Variants in COL24A1 observed in about 807,000 individuals in gnomAD.
COL24A1 encodes the protein collagen alpha-1(XXIV) chain.
COL24A1 carries 224 observed loss-of-function variants against 253.9 expected under a neutral mutation model. The ratio of observed to expected loss-of-function variants is 0.88; its 90% confidence interval spans 0.79 to 0.99. The LOEUF is 0.99. Among genes scored for constraint, COL24A1 ranks in the 50% least tolerant of loss-of-function variants. The pLI is 0.00. For missense variants in COL24A1, 2,131 were observed against 2,068.5 expected, an observed-to-expected ratio of 1.03 and a Z score of -0.59; for synonymous variants, 685 against 673.7, an observed-to-expected ratio of 1.02 and a Z score of -0.26.
intron 47 of COL24A1, among the ~76,000 whole-genome samples, chr1:85,800,723 C>T (rs1427012695): frequency 1.3e-5 from 2 of 152,138 alleles, no homozygotes; most frequent in Non-Finnish European, 2.9e-5. Context: ...GCCACTGCCA[C>T]CACAACAGAC....
At chr1:85,925,755 A>G (rs1281037837) in intron 24 of COL24A1, among the ~76,000 whole-genome samples, 2 of 152,238 alleles carry the variant, frequency 1.3e-5, no homozygotes, top group Admixed American at 6.5e-5. Context: ...TCCAGGCCAT[A>G]GGCATGGGCA....
intron 19 of COL24A1, among the ~76,000 whole-genome samples, chr1:85,989,317 C>T (rs1694012365): frequency 6.6e-6 from 1 of 151,998 alleles, no homozygotes; most frequent in Admixed American, 6.6e-5. Context: ...TTTTCATATG[C>T]TTTGAATACT....
chr1:86,130,818 T>C (rs1302521643), intron 2 of COL24A1, among the ~76,000 whole-genome samples: 1 of 152,010 alleles, frequency 6.6e-6, no homozygotes, highest in African/African-American at 2.4e-5. Flanking sequence ...CATTCCTACA[T>C]TGTTAGTTTG....
intron 59 of COL24A1, 42 bp downstream of exon 59, chr1:85,734,707 A>T: frequency 1.3e-6 from 2 of 1,514,282 alleles, no homozygotes; most frequent in Non-Finnish European, 1.8e-6. Context: ...ATCAATTTTA[A>T]GTTAGTTATA....
intron 3 of COL24A1, among the ~76,000 whole-genome samples, chr1:86,122,271 G>A (rs888359576): frequency 6.6e-6 from 1 of 151,630 alleles, no homozygotes; most frequent in Non-Finnish European, 1.5e-5. Flanking sequence ...TTTTGATATT[G>A]CTTCTTTCAT....
At chr1:85,839,531 C>T (rs554480119) in intron 42 of COL24A1, among the ~76,000 whole-genome samples, 13 of 151,890 alleles carry the variant, frequency 8.6e-5, no homozygotes, top group Non-Finnish European at 1.6e-4. Flanking sequence ...TGAGACCAGC[C>T]TAGGCAACAG....
intron 39 of COL24A1, among the ~76,000 whole-genome samples, chr1:85,845,104 A>C (rs1281145542): frequency 6.6e-6 from 1 of 151,950 alleles, no homozygotes; most frequent in East Asian, 1.9e-4. Context: ...AATAAGCTAA[A>C]ATAAAACTCT....
rs75364489 is a variant in COL24A1, at chr1:85,776,030, A to T, written c.4339-321T>A. Among the ~76,000 whole-genome samples, 622 of 152,310 alleles carry T rather than the reference A, an allele frequency of 4.1e-3. 23 individuals carry two copies. The East Asian group carries it at 0.095, about 23-fold the overall frequency. ...ATATACAAAGCAATTTAAAAAGGAA[A>T]TTCTAAATTCAGGTTAAATTCTTCT... On this transcript the variant is annotated intron_variant, in intron 52 of 59. Transcript: ENST00000370571.
rs771383467 is a variant in COL24A1, at chr1:86,112,604, T to C, written c.1562A>G (p.His521Arg). The C allele has an allele frequency of 4.3e-6, 7 of 1,613,358 alleles. No individual in the cohort carries two copies. The highest frequency in any genetic ancestry group is 5.1e-6 in the Non-Finnish European group (6 of 1,179,608). Residue 521 changes from histidine (H) to arginine (R), a missense_variant, in exon 5 of 60, where the codon CAT (histidine) becomes CGT (arginine). His to Arg is a conservative substitution (Grantham distance 29). Transcript: ENST00000370571. ...TAATCCAGGTAAACCAGGATTTCCA[T>C]GTGGCCCTGGTATGCCCTGCAAGTA... ...KRGPRGIPGP[H>R]GNPGLPGLPG...
rs1446277278 is a variant in COL24A1 at position 85,901,861 on chromosome 1, CA to C, written c.2778+5332del. On this transcript the variant is annotated intron_variant, in intron 28 of 59. Coordinates refer to ENST00000370571, the MANE Select transcript of COL24A1 (RefSeq NM_152890.7). Reference sequence around the variant, plus strand: ...AAAAAAAAAAAAAAGAACTACCATACAATCCAGGAATCCCACTACTGGGTAT... The same window carrying C: ...AAAAAAAAAAAAAAGAACTACCATACATCCAGGAATCCCACTACTGGGTAT... 5.7e-4 allele frequency among the ~76,000 whole-genome samples: 78 copies of C among 136,076 alleles called. 1 individual carries two copies. Among genetic ancestry groups the C allele is most frequent in the Non-Finnish European group, 1.4e-4 (9 of 63,616 alleles). The allele number at this position is 136,076 out of a possible 152,430, so 89.3% of individuals were successfully genotyped here.
At chr1:85,851,555 A>G (rs376004204) in intron 37 of COL24A1, among the ~76,000 whole-genome samples, 1 of 152,178 alleles carries the variant, frequency 6.6e-6, no homozygotes, top group East Asian at 1.9e-4. Flanking sequence ...GCCAATTTAC[A>G]TCCTCAATGG....
At chr1:86,134,937 C>T (rs1340891877) in intron 2 of COL24A1, among the ~76,000 whole-genome samples, 3 of 151,272 alleles carry the variant, frequency 2.0e-5, no homozygotes, top group South Asian at 4.2e-4. Context: ...CTGTCTAATG[C>T]TGACATTGGG....
intron 19 of COL24A1, among the ~76,000 whole-genome samples, chr1:85,996,487 C>T (rs1694798629): frequency 1.7e-5 from 1 of 57,862 alleles, no homozygotes; most frequent in Admixed American, 1.4e-4. Flanking sequence ...ACCAGCCTGA[C>T]CAACATGGCA....
chr1:85,863,116 TTGTC>T (rs1475452094), intron 37 of COL24A1, among the ~76,000 whole-genome samples: 27 of 152,292 alleles, frequency 1.8e-4, no homozygotes, highest in African/African-American at 6.3e-4. Flanking sequence ...AGCTCTCTGT[TTGTC>T]TGTTATTGGT....
At chr1:85,823,151 AT>A (rs1432194688) in intron 45 of COL24A1, among the ~76,000 whole-genome samples, 3 of 152,040 alleles carry the variant, frequency 2.0e-5, no homozygotes, top group African/African-American at 7.2e-5. Flanking sequence ...TCATTTAATA[AT>A]TTTTTCTTTA....
chr1:85,943,403 T>G (rs1452124448), intron 24 of COL24A1, among the ~76,000 whole-genome samples: 1 of 152,216 alleles, frequency 6.6e-6, no homozygotes, highest in Non-Finnish European at 1.5e-5. Context: ...GTATATAACC[T>G]TATGGTTCTG....
At chr1:85,773,650 C>CAAA (rs1281552354) in intron 53 of COL24A1, among the ~76,000 whole-genome samples, 1 of 90,146 alleles carries the variant, frequency 1.1e-5, no homozygotes, top group Non-Finnish European at 2.6e-5. Flanking sequence ...TGGGAGTTCA[C>CAAA]TCATGATTTG....
intron 32 of COL24A1, among the ~76,000 whole-genome samples, chr1:85,885,568 C>T (rs1019450429): frequency 1.3e-5 from 2 of 151,730 alleles, no homozygotes; most frequent in Non-Finnish European, 2.9e-5. Context: ...GAGAAAGAGG[C>T]TCTCTAAAAT....
At chr1:86,101,830 G>A (rs1313197531) in intron 5 of COL24A1, among the ~76,000 whole-genome samples, 1 of 152,112 alleles carries the variant, frequency 6.6e-6, no homozygotes, top group Non-Finnish European at 1.5e-5. Flanking sequence ...CATCAAGGAT[G>A]TTGGCATACA....
Sources: gnomAD v4.1 joint callset for allele counts (sites outside exome capture counted in the v4.1 genomes callset) on GRCh38, gnomAD v4.1.1 for gene constraint, MANE v1.5 for transcripts, NCBI Gene and HGNC (gene_info 2026-07-23, HGNC 2026-07-21) for gene names.